PTPRT: variants seen among roughly 807,000 people sequenced by gnomAD.
PTPRT encodes protein tyrosine phosphatase receptor type T.
A neutral mutation model predicts 176.8 loss-of-function variants in PTPRT; 56 were observed. The ratio of observed to expected loss-of-function variants is 0.32; its 90% CI spans 0.26 to 0.40. PTPRT has a LOEUF of 0.40. Among genes scored for constraint, PTPRT ranks in the 10% least tolerant of loss-of-function variants. The pLI, the probability that PTPRT is intolerant of heterozygous loss-of-function variation, is 1.00. For missense variants in PTPRT, 1,540 were observed against 1,908.2 expected (o/e 0.81, Z 3.60); for synonymous variants, 783 against 739.0 (o/e 1.06, Z -0.96).
At chr20:42,704,889 C>G (rs927321397) in intron 6 of PTPRT, among the ~76,000 whole-genome samples, 7 of 152,118 alleles carry the variant, frequency 4.6e-5, no homozygotes, top group African/African-American at 1.7e-4. Flanking sequence ...TACTTCAAAT[C>G]ATATTCCAAA....
intron 27 of PTPRT, among the ~76,000 whole-genome samples, chr20:42,098,048 C>T (rs1224038670): frequency 1.3e-5 from 2 of 152,144 alleles, no homozygotes; most frequent in African/African-American, 4.8e-5. Context: ...GTGAGTGTGG[C>T]CGGGCATCTG....
chr20:42,246,815 C>G (rs2056459984), intron 14 of PTPRT, among the ~76,000 whole-genome samples: 1 of 152,196 alleles, frequency 6.6e-6, no homozygotes, highest in African/African-American at 2.4e-5. Context: ...TTTGGGTGGA[C>G]AATCCCAAAC....
intron 4 of PTPRT, among the ~76,000 whole-genome samples, chr20:42,773,894 A>G (rs148336056): frequency 6.2e-4 from 94 of 152,288 alleles, no homozygotes; most frequent in Non-Finnish European, 1.1e-3. Context: ...CTTCGAGAAA[A>G]TGGTTTAACC....
At chr20:42,921,239 T>C (rs1435141869) in intron 1 of PTPRT, among the ~76,000 whole-genome samples, 3 of 152,188 alleles carry the variant, frequency 2.0e-5, no homozygotes, top group African/African-American at 7.2e-5. Context: ...ATTTCTGAAA[T>C]ATATGAGTGT....
At chr20:42,135,180 C>A (rs1053667171) in intron 18 of PTPRT, among the ~76,000 whole-genome samples, 2 of 152,200 alleles carry the variant, frequency 1.3e-5, no homozygotes, top group Non-Finnish European at 2.9e-5. Context: ...GCTTGTCACA[C>A]CCTAACCATA....
chr20:42,161,290 C>T, intron 17 of PTPRT, 62 bp downstream of exon 17: 6 of 1,592,858 alleles, frequency 3.8e-6, no homozygotes, highest in Non-Finnish European at 5.2e-6. Context: ...TGTAGCAAGG[C>T]TTTAGTGCCC....
At chr20:42,270,363 T>TGCCCACC in intron 13 of PTPRT, 1 of 1,332,716 alleles carries the variant, frequency 7.5e-7, no homozygotes, top group Non-Finnish European at 1.0e-6. Context: ...TGGGCAACTC[T>TGCCCACC]CCCCTCCCAC....
chr20:42,262,284 G>A (rs2056763245), intron 13 of PTPRT, among the ~76,000 whole-genome samples: 1 of 152,222 alleles, frequency 6.6e-6, no homozygotes, highest in African/African-American at 2.4e-5. Context: ...GAGGAGGGTA[G>A]AAGAAGTGGC....
At chr20:42,147,520 C>T (rs1187713662) in intron 17 of PTPRT, among the ~76,000 whole-genome samples, 1 of 152,190 alleles carries the variant, frequency 6.6e-6, no homozygotes, top group Non-Finnish European at 1.5e-5. Flanking sequence ...AAATGTGTGC[C>T]CTTTCTCTGT....
chr20:42,336,164 C>T (rs2058036836), intron 11 of PTPRT, among the ~76,000 whole-genome samples: 1 of 152,052 alleles, frequency 6.6e-6, no homozygotes. Context: ...CCATTTGGCT[C>T]TGAAGTGACC....
At chr20:42,966,056 A>T (rs1334929397) in intron 1 of PTPRT, among the ~76,000 whole-genome samples, 1 of 152,212 alleles carries the variant, frequency 6.6e-6, no homozygotes, top group Non-Finnish European at 1.5e-5. Context: ...TTCTAGTTCC[A>T]CACGGTAAGA....
intron 2 of PTPRT, among the ~76,000 whole-genome samples, chr20:42,831,321 C>T (rs2078083229): frequency 6.6e-6 from 1 of 152,098 alleles, no homozygotes; most frequent in Admixed American, 6.6e-5. Context: ...AACTGGCTAG[C>T]CATATATAGA....
intron 15 of PTPRT, among the ~76,000 whole-genome samples, chr20:42,216,522 C>T (rs1351315217): frequency 6.6e-6 from 1 of 152,206 alleles, no homozygotes; most frequent in Non-Finnish European, 1.5e-5. Flanking sequence ...GTATCCCAGT[C>T]ATTTGCCTAT....
chr20:42,428,713 A>T (rs1211892731), intron 9 of PTPRT, among the ~76,000 whole-genome samples: 2 of 152,030 alleles, frequency 1.3e-5, no homozygotes, highest in Non-Finnish European at 2.9e-5. Context: ...CGATGAAGTC[A>T]CCTCCATTGT....
intron 1 of PTPRT, among the ~76,000 whole-genome samples, chr20:42,917,312 T>C (rs998743896): frequency 6.6e-6 from 1 of 152,128 alleles, no homozygotes; most frequent in African/African-American, 2.4e-5. Context: ...TTCTGTTCCA[T>C]TGGTCTATAT....
intron 7 of PTPRT, among the ~76,000 whole-genome samples, chr20:42,580,188 A>G (rs2073345440): frequency 6.6e-6 from 1 of 152,110 alleles, no homozygotes; most frequent in African/African-American, 2.4e-5. Flanking sequence ...TGTTTTTCTC[A>G]GGTTTGTCAA....
chr20:42,897,683 G>A (rs768892109), intron 1 of PTPRT, among the ~76,000 whole-genome samples: 1 of 152,154 alleles, frequency 6.6e-6, no homozygotes, highest in Non-Finnish European at 1.5e-5. Context: ...CAAGGTAGCA[G>A]TTAAAGCTAT....
chr20:42,370,096 T>C (rs2058567971), intron 9 of PTPRT, among the ~76,000 whole-genome samples: 2 of 152,128 alleles, frequency 1.3e-5, no homozygotes, highest in Admixed American at 1.3e-4. Flanking sequence ...CATGGATTCA[T>C]CCAAAGTGCA....
the PTPRT span, among the ~76,000 whole-genome samples, chr20:42,034,212 C>T: frequency 6.6e-6 from 1 of 152,254 alleles, no homozygotes; most frequent in East Asian, 1.9e-4. Flanking sequence ...GAGAAATGAT[C>T]CACTTCCAAG....
Sources: allele counts gnomAD v4.1 joint callset (sites outside exome capture counted in the v4.1 genomes callset), GRCh38; gene constraint gnomAD v4.1.1; transcripts MANE v1.5; gene names NCBI Gene and HGNC (gene_info 2026-07-23, HGNC 2026-07-21).